Variants in CUX1 observed in about 807,000 individuals in gnomAD.
CUX1 encodes the protein protein CASP.
Under a neutral mutation model 158.8 loss-of-function variants are expected in CUX1, and 31 were observed. The ratio of observed to expected loss-of-function variants is 0.20; its 90% CI spans 0.15 to 0.26. The LOEUF is 0.26. Ranked by LOEUF, CUX1 falls within the 10% of genes least tolerant of loss-of-function variation. CUX1 has a pLI of 1.00. For missense variants in CUX1, 1,589 were observed against 2,014.6 expected (o/e 0.79, Z 4.04); for synonymous variants, 879 against 862.1 (o/e 1.02, Z -0.34).
At chr7:102,046,420 A>T (rs191773515) in intron 3 of CUX1, among the ~76,000 whole-genome samples, 11 of 152,050 alleles carry the variant, frequency 7.2e-5, no homozygotes, top group Non-Finnish European at 1.0e-4. Flanking sequence ...TTTAGTAGAG[A>T]CAGGGTTTCG....
chr7:102,113,515 G>A (rs528215916), intron 7 of CUX1, among the ~76,000 whole-genome samples: 2 of 152,022 alleles, frequency 1.3e-5, no homozygotes, highest in South Asian at 2.1e-4. Context: ...CTCAGCCTCC[G>A]AAAGTGCTAG....
chr7:102,133,345 T>C (rs1393541338), intron 8 of CUX1, among the ~76,000 whole-genome samples: 4 of 152,042 alleles, frequency 2.6e-5, no homozygotes, highest in Non-Finnish European at 5.9e-5. Context: ...CCTGCTCCTA[T>C]GCCCACACTT....
At chr7:102,264,286 A>G (rs2529122) in intron 14 of CUX1, among the ~76,000 whole-genome samples, 73,235 of 152,054 alleles carry the variant, frequency 0.48, 18,040 homozygotes, top group East Asian at 0.75. Flanking sequence ...GATTACAGGC[A>G]TGAGCCATCG....
chr7:101,828,640 G>A (rs754030085), intron 1 of CUX1, among the ~76,000 whole-genome samples: 1 of 152,192 alleles, frequency 6.6e-6, no homozygotes, highest in Non-Finnish European at 1.5e-5. Context: ...CCGTCCCTGT[G>A]TCTGGGCAAA....
Position 102,197,249 on chromosome 7 carries a change from TC to T in CUX1, c.1840del (p.Leu614SerfsTer25). 1 of 1,614,138 alleles carries T rather than the reference TC, an allele frequency of 6.2e-7. No individual in the cohort carries two copies. The highest frequency in any genetic ancestry group is 8.5e-7 in the Non-Finnish European group (1 of 1,180,036). ...GKEPFHKMKQ[F>X]LSDEQNILAL... ...GAGCCATTTCACAAGATGAAACAGT[TC>T]CTCTCCGATGAGCAGAACATCCTGG... On this transcript the variant is annotated frameshift_variant, in exon 15 of 24. Coordinates refer to ENST00000292535, the MANE Select transcript of CUX1 (RefSeq NM_181552.4). LOFTEE classifies it high-confidence loss of function.
intron 11 of CUX1, among the ~76,000 whole-genome samples, chr7:102,187,481 G>A (rs1472277056): frequency 6.6e-6 from 1 of 152,010 alleles, no homozygotes; most frequent in African/African-American, 2.4e-5. Flanking sequence ...TTGTCCATAG[G>A]CACCCAGGTC....
At chr7:102,220,918 C>G (rs1797735539) in intron 20 of CUX1, among the ~76,000 whole-genome samples, 1 of 152,154 alleles carries the variant, frequency 6.6e-6, no homozygotes, top group Non-Finnish European at 1.5e-5. Context: ...GCCGTGTTAG[C>G]AGGGCTGGCC....
intron 1 of CUX1, among the ~76,000 whole-genome samples, chr7:101,832,765 G>T (rs972645658): frequency 6.6e-6 from 1 of 152,108 alleles, no homozygotes. Flanking sequence ...ACTGCTGGGG[G>T]GCTCCTGTCT....
At chr7:102,258,398 C>T (rs1348630031), downstream of CUX1, among the ~76,000 whole-genome samples, 2 of 152,210 alleles carry the variant, frequency 1.3e-5, no homozygotes, top group Non-Finnish European at 2.9e-5. Flanking sequence ...ACACAGAAAA[C>T]CGTGTGGTTC....
intron 14 of CUX1, among the ~76,000 whole-genome samples, chr7:102,269,832 G>A (rs1370617193): frequency 2.6e-5 from 4 of 151,878 alleles, no homozygotes; most frequent in Non-Finnish European, 4.4e-5. Context: ...CCCCCCAAAC[G>A]CTTCCAAGCT....
At chr7:101,898,438 T>C (rs561531535) in intron 1 of CUX1, among the ~76,000 whole-genome samples, 3 of 152,296 alleles carry the variant, frequency 2.0e-5, no homozygotes, top group African/African-American at 7.2e-5. Flanking sequence ...CGGGGAAGTC[T>C]CCAATGCCAT....
intron 1 of CUX1, chr7:101,913,407 AG>A (rs756013674): frequency 7.9e-7 from 1 of 1,262,264 alleles, no homozygotes; most frequent in South Asian, 1.3e-5. Flanking sequence ...AAGTTGCCGC[AG>A]GCGCACTGGC....
intron 8 of CUX1, among the ~76,000 whole-genome samples, chr7:102,126,953 A>C (rs1189641405): frequency 6.6e-6 from 1 of 152,232 alleles, no homozygotes. Context: ...TTAGATTCTC[A>C]TAAGGAGTGT....
At chr7:101,931,508 A>G (rs191172384) in intron 2 of CUX1, among the ~76,000 whole-genome samples, 3 of 152,268 alleles carry the variant, frequency 2.0e-5, no homozygotes, top group East Asian at 3.9e-4. Context: ...TTTCAAAGAG[A>G]GGGAAACTGA....
chr7:102,144,323 T>A (rs1585889652), intron 8 of CUX1, among the ~76,000 whole-genome samples: 1 of 152,180 alleles, frequency 6.6e-6, no homozygotes, highest in South Asian at 2.1e-4. Flanking sequence ...TTTTTGTTTA[T>A]GTTTCATATG....
intron 7 of CUX1, 58 bp downstream of exon 7, chr7:102,111,832 G>A: frequency 6.6e-7 from 1 of 1,525,216 alleles, no homozygotes; most frequent in African/African-American, 1.4e-5. Context: ...GGGAGAGTTG[G>A]GTCAGCCCCT....
chr7:101,900,759 A>G (rs991981162), intron 1 of CUX1, among the ~76,000 whole-genome samples: 3 of 152,214 alleles, frequency 2.0e-5, no homozygotes, highest in Non-Finnish European at 2.9e-5. Context: ...AGAAGAAGAA[A>G]AAAAAAAGCC....
Position 102,239,555 on chromosome 7 carries a change from C to T in CUX1, c.3858C>T (p.Ser1286=), listed in dbSNP as rs1554534133. The T allele has an allele frequency of 1.2e-6, 2 of 1,613,930 alleles. No homozygotes were observed. Among genetic ancestry groups the T allele is most frequent in the African/African-American group, 2.7e-5 (2 of 74,934 alleles). Residue 1286 remains serine, a synonymous_variant, in exon 23 of 24, where the codon AGC becomes AGT. Coordinates refer to ENST00000292535, the MANE Select transcript of CUX1 (RefSeq NM_181552.4). ...DLATQLNLKT[S]TVINWFHNYR... is the part of the protein sequence containing the mutation. ...CCACCCAGCTCAACCTGAAAACCAGCACCGTCATCAACTGGTTCCACAACT... is the reference window on the plus strand; with the variant it reads ...CCACCCAGCTCAACCTGAAAACCAGTACCGTCATCAACTGGTTCCACAACT...
At chr7:101,820,115 T>C (rs1292527765) in intron 1 of CUX1, among the ~76,000 whole-genome samples, 1 of 152,238 alleles carries the variant, frequency 6.6e-6, no homozygotes, top group South Asian at 2.1e-4. Context: ...CTTCTGGGTC[T>C]ACCTGTAGCA....
Sources: allele counts gnomAD v4.1 joint callset (sites outside exome capture counted in the v4.1 genomes callset), GRCh38; gene constraint gnomAD v4.1.1; transcripts MANE v1.5; gene names NCBI Gene and HGNC (gene_info 2026-07-23, HGNC 2026-07-21).